Variants in CHCHD6 observed in about 807,000 individuals in gnomAD.
The protein encoded by CHCHD6 is MICOS complex subunit MIC25.
In CHCHD6, 28 loss-of-function variants were observed where a neutral mutation model predicts 32.3. The observed-to-expected ratio is 0.87, with a 90% confidence interval of 0.64 to 1.19. The LOEUF (loss-of-function observed/expected upper bound fraction) is 1.19, where lower values mean the gene tolerates loss of function less well. Among genes scored for constraint, CHCHD6 ranks in the 50% most tolerant of loss-of-function variants. The pLI is 0.00. For synonymous variants in CHCHD6, 122 were observed against 117.5 expected (o/e 1.04, Z -0.25); for missense variants, 333 against 307.0 (o/e 1.08, Z -0.63).
intron 4 of CHCHD6, among the ~76,000 whole-genome samples, chr3:126,751,499 G>A (rs1193859575): frequency 5.7e-4 from 55 of 96,632 alleles, no homozygotes; most frequent in Admixed American, 5.4e-3. Context: ...GTGAGACCCT[G>A]TCTCAAAAAA....
chr3:126,771,092 T>C (rs1017067235), intron 4 of CHCHD6, among the ~76,000 whole-genome samples: 10 of 152,192 alleles, frequency 6.6e-5, no homozygotes, highest in African/African-American at 2.2e-4. Context: ...CCACTTCTTC[T>C]AGATTTTCTA....
In CHCHD6 at chr3:126,957,484, C is replaced by T. The variant is rs368713584; in HGVS notation, c.635C>T (p.Pro212Leu). ...AQILHCYRDR[P>L]HEVLLCSDLV... ...ATTCTCCACTGCTACCGAGATCGCC[C>T]GCATGAGGTGCTGCTGTGCTCGGAC... is the stretch of plus-strand genomic sequence containing the variant. The change falls in exon 7 of 8, where the codon CCG becomes CTG. Residue 212 changes from proline to leucine, a missense_variant. Physicochemically the swap from Pro to Leu is moderately conservative, Grantham distance 98. Transcript: ENST00000290913. The T allele has an allele frequency of 2.2e-5, 36 of 1,606,232 alleles. No individual in the cohort carries two copies. Among genetic ancestry groups the T allele is most frequent in the South Asian group, 1.5e-4 (13 of 89,308 alleles).
At chr3:126,766,621 C>G (rs1280516263) in intron 4 of CHCHD6, 2 of 1,074,874 alleles carry the variant, frequency 1.9e-6, no homozygotes, top group Non-Finnish European at 2.9e-6. Context: ...CCCAGTTCCC[C>G]GAAGGTCGGT....
At chr3:126,892,052 G>A (rs1013918729) in intron 5 of CHCHD6, among the ~76,000 whole-genome samples, 34 of 152,276 alleles carry the variant, frequency 2.2e-4, no homozygotes, top group African/African-American at 7.7e-4. Flanking sequence ...CAGCGACAAC[G>A]TCTCACAGCC....
intron 4 of CHCHD6, among the ~76,000 whole-genome samples, chr3:126,851,790 T>C (rs938391672): frequency 2.0e-5 from 3 of 152,222 alleles, no homozygotes; most frequent in Non-Finnish European, 4.4e-5. Context: ...CCTTGCCCAC[T>C]TCTGTTGGGG....
intron 6 of CHCHD6, among the ~76,000 whole-genome samples, chr3:126,938,032 T>C (rs2078506875): frequency 1.3e-5 from 2 of 152,234 alleles, no homozygotes; most frequent in Admixed American, 1.3e-4. Context: ...ATTATCTTGC[T>C]GTGCAGACAG....
intron 4 of CHCHD6, among the ~76,000 whole-genome samples, chr3:126,765,423 G>A (rs531404861): frequency 1.3e-4 from 20 of 152,326 alleles, no homozygotes; most frequent in South Asian, 6.2e-4. Flanking sequence ...CACAGCATCC[G>A]TGCTGACACG....
At chr3:126,913,363 G>T (rs1027524522) in intron 5 of CHCHD6, among the ~76,000 whole-genome samples, 2 of 151,372 alleles carry the variant, frequency 1.3e-5, no homozygotes, top group African/African-American at 4.9e-5. Flanking sequence ...CCAAGTAGCT[G>T]GGATTACAGG....
intron 5 of CHCHD6, among the ~76,000 whole-genome samples, chr3:126,874,128 A>C (rs1018338028): frequency 6.6e-6 from 1 of 152,216 alleles, no homozygotes; most frequent in Admixed American, 6.5e-5. Context: ...GTGCCGTCCC[A>C]GGAACTCATG....
chr3:126,884,170 G>A (rs1458202098), intron 5 of CHCHD6, among the ~76,000 whole-genome samples: 5 of 152,200 alleles, frequency 3.3e-5, no homozygotes, highest in Admixed American at 6.5e-5. Context: ...CCAGCTCCAA[G>A]CCCCGGGTTC....
intron 6 of CHCHD6, among the ~76,000 whole-genome samples, chr3:126,916,387 T>G (rs1576598656): frequency 1.5e-5 from 2 of 130,472 alleles, no homozygotes; most frequent in African/African-American, 3.0e-5. Flanking sequence ...GGCAACAGAG[T>G]GAGAATCCAT....
chr3:126,788,059 C>CT (rs1240520116), intron 4 of CHCHD6, among the ~76,000 whole-genome samples: 1 of 152,070 alleles, frequency 6.6e-6, no homozygotes, highest in African/African-American at 2.4e-5. Flanking sequence ...TGTCAAAGGC[C>CT]TTTTCTGCAT....
chr3:126,730,664 C>G, intron 3 of CHCHD6, 34 bp downstream of exon 3: 6 of 1,580,428 alleles, frequency 3.8e-6, no homozygotes, highest in Non-Finnish European at 5.2e-6. Context: ...CCCGGCACTG[C>G]GCTCCGCCTA....
rs1444819705 is a variant in CHCHD6 at position 126,779,193 on chromosome 3, T to C, written c.411+45971T>C. The stretch of plus-strand genomic sequence containing the variant: ...ACTTTTATTGTCACCTCTAGTAAGA[T>C]TTTGCCTAACCCAAGGTCCTGAAGA... On this transcript the variant is annotated intron_variant, in intron 4 of 7. Coordinates refer to ENST00000290913, the MANE Select transcript of CHCHD6 (RefSeq NM_032343.3). 6.6e-5 allele frequency among the ~76,000 whole-genome samples: 10 copies of C among 152,140 alleles called. No individual in the cohort carries two copies. In the East Asian group the frequency reaches 1.5e-3, roughly 23 times the overall value.
chr3:126,743,982 C>T (rs1279119973), intron 4 of CHCHD6, among the ~76,000 whole-genome samples: 2 of 152,222 alleles, frequency 1.3e-5, no homozygotes, highest in Non-Finnish European at 2.9e-5. Flanking sequence ...GGAAGTAGCA[C>T]CACCCCTTCT....
At chr3:126,793,973 T>C (rs1302465704) in intron 4 of CHCHD6, among the ~76,000 whole-genome samples, 1 of 152,146 alleles carries the variant, frequency 6.6e-6, no homozygotes, top group African/African-American at 2.4e-5. Context: ...ACTGTCATTT[T>C]CTCCCATAGG....
At chr3:126,709,740 A>G (rs1483516852) in intron 1 of CHCHD6, among the ~76,000 whole-genome samples, 2 of 152,154 alleles carry the variant, frequency 1.3e-5, no homozygotes, top group Non-Finnish European at 2.9e-5. Context: ...TTCCCTAATA[A>G]CTAATGATGT....
At chr3:126,818,996 A>G (rs1031903175) in intron 4 of CHCHD6, among the ~76,000 whole-genome samples, 1 of 152,186 alleles carries the variant, frequency 6.6e-6, no homozygotes, top group Non-Finnish European at 1.5e-5. Context: ...AGCTGCCAGA[A>G]TGATAGCAGC....
intron 5 of CHCHD6, among the ~76,000 whole-genome samples, chr3:126,881,996 CAA>C (rs2077617100): frequency 6.6e-6 from 1 of 152,124 alleles, no homozygotes; most frequent in South Asian, 2.1e-4. Context: ...TCCTGGATTC[CAA>C]AGGACGGCCC....
Sources: allele counts gnomAD v4.1 joint callset (sites outside exome capture counted in the v4.1 genomes callset), GRCh38; gene constraint gnomAD v4.1.1; transcripts MANE v1.5; gene names NCBI Gene and HGNC (gene_info 2026-07-23, HGNC 2026-07-21).